GPR158: variants seen among roughly 807,000 people sequenced by gnomAD.
GPR158 encodes metabotropic glycine receptor.
A neutral mutation model predicts 78.2 loss-of-function variants in GPR158; 30 were observed. That is an observed-to-expected ratio of 0.38 (90% CI 0.29 to 0.52). GPR158 has a LOEUF of 0.52. Ranked by LOEUF, GPR158 falls within the 20% of genes least tolerant of loss-of-function variation. The probability of loss-of-function intolerance (pLI) is 0.83; values close to 1 mark genes in which losing one functional copy is unlikely to be tolerated. For missense variants in GPR158, 1,463 were observed against 1,523.5 expected (o/e 0.96, Z 0.66); for synonymous variants, 581 against 591.1 (o/e 0.98, Z 0.25).
intron 2 of GPR158, among the ~76,000 whole-genome samples, chr10:25,290,496 A>G (rs1284011679): frequency 1.3e-5 from 2 of 152,194 alleles, no homozygotes; most frequent in Non-Finnish European, 2.9e-5. Flanking sequence ...AAACCTTAAA[A>G]TAGTTTATCA....
intron 2 of GPR158, among the ~76,000 whole-genome samples, chr10:25,281,170 CA>C (rs1255473739): frequency 6.8e-6 from 1 of 146,162 alleles, no homozygotes; most frequent in Non-Finnish European, 1.5e-5. Flanking sequence ...TCAGTTAATA[CA>C]AAAAAGAATC....
Position 25,217,277 on chromosome 10 carries a change from G to T in GPR158, c.903-3775G>T, listed in dbSNP as rs1018258104. On this transcript the variant is annotated intron_variant, in intron 1 of 10. Coordinates refer to ENST00000376351, the MANE Select transcript of GPR158 (RefSeq NM_020752.3). ...GAACTTTAGGATTTTTTTAGTCTGG[G>T]TTAAGCAATATATGTTAAAGTTGTC... Among the ~76,000 whole-genome samples, 8 of 152,064 alleles carry T rather than the reference G, an allele frequency of 5.3e-5. No individual in the cohort carries two copies. The East Asian group carries it at 7.7e-4, about 15-fold the overall frequency.
At chr10:25,431,775 C>G (rs374531359) in intron 4 of GPR158, among the ~76,000 whole-genome samples, 1 of 151,928 alleles carries the variant, frequency 6.6e-6, no homozygotes, top group South Asian at 2.1e-4. Context: ...AACCAAACAC[C>G]GCATATTCTC....
intron 2 of GPR158, among the ~76,000 whole-genome samples, chr10:25,372,479 C>G (rs1038898425): frequency 2.1e-5 from 3 of 144,078 alleles, no homozygotes; most frequent in African/African-American, 7.9e-5. Flanking sequence ...CAATGATAGA[C>G]TGGATTAAGA....
rs1852969199 is a variant in GPR158 at position 25,203,723 on chromosome 10, G to T, written c.903-17329G>T. ...AGCTTTGTTCTTTTGGCTTAGGATTGTCTTGGTAATGCAGGCTCTTTTTTT... is the reference window on the plus strand; with the variant it reads ...AGCTTTGTTCTTTTGGCTTAGGATTTTCTTGGTAATGCAGGCTCTTTTTTT... On this transcript the variant is annotated intron_variant, in intron 1 of 10. Transcript: ENST00000376351. 1.4e-5 allele frequency among the ~76,000 whole-genome samples: 2 copies of T among 144,966 alleles called. 1 individual carries two copies. The highest frequency in any genetic ancestry group is 5.3e-5 in the African/African-American group (2 of 38,032).
intron 2 of GPR158, among the ~76,000 whole-genome samples, chr10:25,299,978 C>T (rs1028267498): frequency 1.4e-4 from 21 of 152,010 alleles, no homozygotes; most frequent in African/African-American, 4.1e-4. Context: ...AGGTGCATGC[C>T]GCCACGCCCA....
At chr10:25,516,442 G>C (rs1405148722) in intron 5 of GPR158, among the ~76,000 whole-genome samples, 7 of 151,856 alleles carry the variant, frequency 4.6e-5, no homozygotes, top group Non-Finnish European at 7.4e-5. Flanking sequence ...TGAAGTCCTT[G>C]CCCATGCCTA....
intron 2 of GPR158, among the ~76,000 whole-genome samples, chr10:25,261,449 T>A (rs1045067836): frequency 2.6e-5 from 4 of 152,180 alleles, no homozygotes; most frequent in Non-Finnish European, 5.9e-5. Flanking sequence ...TTTATTTTTT[T>A]TACATCATTC....
At chr10:25,248,308 C>T (rs1378640329) in intron 2 of GPR158, among the ~76,000 whole-genome samples, 1 of 152,104 alleles carries the variant, frequency 6.6e-6, no homozygotes, top group East Asian at 1.9e-4. Flanking sequence ...TGTGCAGAAG[C>T]TCTTTAGTTT....
intron 8 of GPR158, among the ~76,000 whole-genome samples, chr10:25,590,148 C>T (rs1294410003): frequency 6.6e-6 from 1 of 152,250 alleles, no homozygotes; most frequent in East Asian, 1.9e-4. Context: ...CTTTAGTCAG[C>T]AGTCAGAAGA....
intron 2 of GPR158, among the ~76,000 whole-genome samples, chr10:25,245,307 C>T (rs927452575): frequency 9.9e-5 from 15 of 152,176 alleles, no homozygotes; most frequent in African/African-American, 3.4e-4. Context: ...GAGCCTGGCC[C>T]AGGCCATGTC....
chr10:25,233,952 T>C (rs1379384726), intron 2 of GPR158, among the ~76,000 whole-genome samples: 1 of 152,210 alleles, frequency 6.6e-6, no homozygotes, highest in African/African-American at 2.4e-5. Flanking sequence ...TTCATAAATA[T>C]GTTACTTATG....
At chr10:25,546,912 C>G (rs1034518255) in intron 5 of GPR158, among the ~76,000 whole-genome samples, 1 of 152,182 alleles carries the variant, frequency 6.6e-6, no homozygotes, top group East Asian at 1.9e-4. Context: ...ATGCAAGGAC[C>G]GCAGGGATCA....
intron 5 of GPR158, among the ~76,000 whole-genome samples, chr10:25,521,410 C>A (rs1836271352): frequency 6.6e-6 from 1 of 152,226 alleles, no homozygotes; most frequent in African/African-American, 2.4e-5. Context: ...TTATCTATTT[C>A]ACTGAAGATT....
intron 3 of GPR158, among the ~76,000 whole-genome samples, chr10:25,401,263 C>A (rs769593280): frequency 6.6e-6 from 1 of 152,182 alleles, no homozygotes; most frequent in Non-Finnish European, 1.5e-5. Flanking sequence ...ACTGGTCTGA[C>A]TTCAACCTTG....
At chr10:25,392,017 G>A (rs1450277613) in intron 2 of GPR158, among the ~76,000 whole-genome samples, 11 of 152,056 alleles carry the variant, frequency 7.2e-5, no homozygotes, top group Admixed American at 2.0e-4. Flanking sequence ...ACGTTCTCCT[G>A]CTTGCTGCTA....
intron 2 of GPR158, among the ~76,000 whole-genome samples, chr10:25,340,592 C>T (rs567910969): frequency 2.0e-5 from 3 of 151,832 alleles, no homozygotes; most frequent in East Asian, 1.9e-4. Context: ...AGTGAGAACC[C>T]CATGTTTAGA....
At chr10:25,194,732 A>G (rs374885662) in intron 1 of GPR158, among the ~76,000 whole-genome samples, 4 of 152,212 alleles carry the variant, frequency 2.6e-5, no homozygotes, top group Admixed American at 1.3e-4. Context: ...CAATATGAAA[A>G]ATGTGGAATT....
intron 2 of GPR158, among the ~76,000 whole-genome samples, chr10:25,336,452 T>C (rs907587383): frequency 6.6e-6 from 1 of 152,188 alleles, no homozygotes. Flanking sequence ...TTAACAGAAT[T>C]CTAATTCTAT....
Sources: allele counts gnomAD v4.1 joint callset (sites outside exome capture counted in the v4.1 genomes callset), GRCh38; gene constraint gnomAD v4.1.1; transcripts MANE v1.5; gene names NCBI Gene and HGNC (gene_info 2026-07-23, HGNC 2026-07-21).